The following DENND2B variants were observed in gnomAD, a reference collection of about 807,000 sequenced individuals.
The protein encoded by DENND2B is DENN domain-containing protein 2B.
DENND2B carries 32 observed loss-of-function variants against 116.0 expected under a neutral mutation model. That is an observed-to-expected ratio of 0.28 (90% CI 0.21 to 0.37). The LOEUF (loss-of-function observed/expected upper bound fraction) is 0.37, where lower values mean the gene tolerates loss of function less well. DENND2B is among the 10% of genes least tolerant of loss of function. DENND2B has a pLI of 1.00. For missense variants in DENND2B, 1,276 were observed against 1,477.7 expected (o/e 0.86, Z 2.24); for synonymous variants, 588 against 583.9 (o/e 1.01, Z -0.10).
At chr11:8,808,947 C>G (rs924979478) in intron 1 of DENND2B, 15 of 152,194 alleles carry the variant, frequency 9.9e-5, no homozygotes, top group African/African-American at 3.6e-4. Context: ...TGGGTCTCTG[C>G]TAGCCCTCTT....
intron 16 of DENND2B, among the ~76,000 whole-genome samples, chr11:8,698,296 C>T (rs2040822607): frequency 6.6e-6 from 1 of 152,114 alleles, no homozygotes; most frequent in Non-Finnish European, 1.5e-5. Context: ...GGCAGGGGGA[C>T]TGTGGCCAGC....
chr11:8,768,491 C>T (rs1030462307), intron 1 of DENND2B, among the ~76,000 whole-genome samples: 10 of 152,132 alleles, frequency 6.6e-5, no homozygotes, highest in African/African-American at 1.9e-4. Flanking sequence ...TTAAGTGATC[C>T]TCCTGCCTCC....
chr11:8,787,012 A>G (rs1264508878), intron 1 of DENND2B: 2 of 152,210 alleles, frequency 1.3e-5, no homozygotes, highest in Non-Finnish European at 2.9e-5. Flanking sequence ...CTGTAACACA[A>G]TCCTATGAGG....
intron 4 of DENND2B, among the ~76,000 whole-genome samples, chr11:8,821,919 G>A (rs11042087): frequency 0.12 from 18,451 of 152,142 alleles, 1,518 homozygotes; most frequent in East Asian, 0.34. Flanking sequence ...AGCTTCCCGA[G>A]TAGCTGGGAC....
intron 4 of DENND2B, among the ~76,000 whole-genome samples, chr11:8,839,154 G>T (rs911168901): frequency 6.6e-6 from 1 of 152,230 alleles, no homozygotes; most frequent in Non-Finnish European, 1.5e-5. Context: ...AGGAATCTAT[G>T]AGAATGAGAT....
intron 3 of DENND2B, among the ~76,000 whole-genome samples, chr11:8,846,650 C>T (rs1180170123): frequency 4.6e-5 from 7 of 152,190 alleles, no homozygotes. Flanking sequence ...TCGTTCTCTT[C>T]ACCAAGTCAA....
intron 1 of DENND2B, among the ~76,000 whole-genome samples, chr11:8,770,488 A>G (rs892428538): frequency 6.6e-6 from 1 of 152,136 alleles, no homozygotes; most frequent in Non-Finnish European, 1.5e-5. Flanking sequence ...TCTGGCTCAT[A>G]GTTAGGACTA....
chr11:8,707,979 G>A lies in DENND2B; in HGVS notation c.2353-125C>T. ...CCCTTCTAGTGGAGGAAGACTTTAAGCCTCCTCTAAACCTCTCTGCAACCA... is the reference window on the plus strand; with the variant it reads ...CCCTTCTAGTGGAGGAAGACTTTAAACCTCCTCTAAACCTCTCTGCAACCA... On this transcript the variant is annotated intron_variant, in intron 11 of 19. Coordinates refer to ENST00000313726, the MANE Select transcript of DENND2B (RefSeq NM_213618.2). This position sits in a 1 kb window ranked among gnomAD's most constrained non-coding sequence, Gnocchi z 4.8. 6.5e-7 allele frequency: 1 copy of A among 1,533,282 alleles called. No homozygotes were observed. The highest frequency in any genetic ancestry group is 8.7e-7 in the Non-Finnish European group (1 of 1,144,792). 95.0% of individuals were successfully genotyped at this position (1,533,282 alleles called of 1,614,324 possible). A position where few individuals can be genotyped will look rare whatever the true frequency, so the allele number is the denominator to read the frequency against.
chr11:8,828,723 C>T (rs1180119624), intron 4 of DENND2B, among the ~76,000 whole-genome samples: 1 of 152,154 alleles, frequency 6.6e-6, no homozygotes, highest in East Asian at 1.9e-4. Context: ...CTGAGTGCCA[C>T]CACCATTTCA....
intron 2 of DENND2B, among the ~76,000 whole-genome samples, chr11:8,858,979 AG>A (rs34035349): frequency 6.6e-6 from 1 of 152,208 alleles, no homozygotes; most frequent in Non-Finnish European, 1.5e-5. Flanking sequence ...CTTCAAAGCC[AG>A]GGAATCACCT....
At chr11:8,763,100 G>C (rs10769955) in intron 1 of DENND2B, among the ~76,000 whole-genome samples, 52,705 of 152,018 alleles carry the variant, frequency 0.35, 11,207 homozygotes, top group Non-Finnish European at 0.46. Context: ...TACTTCACCA[G>C]AGAGGATACC....
Position 8,695,745 on chromosome 11 carries a change from TTGCTGC to T in DENND2B, c.3293-202_3293-197del, listed in dbSNP as rs2040242831. 4 of 587,016 alleles carry T rather than the reference TTGCTGC, an allele frequency of 6.8e-6. No homozygotes were observed. The South Asian group carries it at 8.0e-5, about 12-fold the overall frequency. 36.4% of individuals were successfully genotyped at this position (587,016 alleles called of 1,614,324 possible). A position where few individuals can be genotyped will look rare whatever the true frequency, so the allele number is the denominator to read the frequency against. The stretch of plus-strand genomic sequence containing the variant: ...ATCATTAGTGACATCTTGCCGGGGT[TTGCTGC>T]TGCCACCCTGCCTCCCCATGCACAT... On this transcript the variant is annotated intron_variant, in intron 18 of 19. Transcript: ENST00000313726.
At chr11:8,750,282 C>T (rs2052129370) in intron 2 of DENND2B, among the ~76,000 whole-genome samples, 1 of 152,134 alleles carries the variant, frequency 6.6e-6, no homozygotes, top group Non-Finnish European at 1.5e-5. Flanking sequence ...ATGTGGTCAG[C>T]CTCCCTCACT....
rs116989555 is a variant in DENND2B, at chr11:8,763,741, A to G, written c.-25-13016T>C. Among the ~76,000 whole-genome samples, 19 of 151,984 alleles carry G rather than the reference A, an allele frequency of 1.3e-4. No individual in the cohort carries two copies. The East Asian group carries it at 3.5e-3, about 28-fold the overall frequency. On this transcript the variant is annotated intron_variant, in intron 1 of 19. Transcript: ENST00000313726. ...AGGAAGACTAGAGGGAGATTCTGGG[A>G]TATTGATAATAGACTGTTTCTTGAT... is the stretch of plus-strand genomic sequence containing the variant.
Position 8,696,639 on chromosome 11 carries a change from G to A in DENND2B, c.3080C>T (p.Ser1027Leu), listed in dbSNP as rs773785306. ...CACAAAGAACCGGATAAACACCTCC[G>A]ACACCAGCCCATTGAGGGTATTACA... The part of the protein sequence containing the change: ...DECNTLNGLV[S>L]EVFIRFFVET... The change falls in exon 18 of 20, where the codon TCG becomes TTG. Residue 1027 changes from serine (S) to leucine (L), a missense_variant. By Grantham distance (145) the Ser-to-Leu change is moderately radical (BLOSUM62 -2). Around this residue, in one of 2 missense-constraint regions of DENND2B, gnomAD observed 420 missense variants for 631.1 expected, o/e 0.67. Coordinates refer to ENST00000313726, the MANE Select transcript of DENND2B (RefSeq NM_213618.2). 3.1e-6 allele frequency: 5 copies of A among 1,614,010 alleles called. No individual in the cohort carries two copies. Among genetic ancestry groups the A allele is most frequent in the African/African-American group, 1.3e-5 (1 of 74,902 alleles).
rs181063868 is a variant in DENND2B, at chr11:8,738,802, C to T, written c.81-7593G>A. ...TGAGGACCCCATGAGCTGGTCCCTG[C>T]CTACTTTCCCCTTCATTATCCCACA... On this transcript the variant is annotated intron_variant, in intron 2 of 19. Transcript: ENST00000313726. Among the ~76,000 whole-genome samples, 376 of 152,300 alleles carry T rather than the reference C, an allele frequency of 2.5e-3. 1 individual carries two copies. The highest frequency in any genetic ancestry group is 5.3e-3 in the Admixed American group (81 of 15,300).
intron 4 of DENND2B, 151 bp from the exon 5 acceptor site, chr11:8,718,043 C>G (rs1020189164): frequency 1.4e-5 from 11 of 775,032 alleles, no homozygotes; most frequent in Non-Finnish European, 2.2e-5. Context: ...AGCTGCCCGT[C>G]TGCAGTGGGG....
chr11:8,901,638 T>C (rs1264528439), intron 1 of DENND2B, among the ~76,000 whole-genome samples: 2 of 152,236 alleles, frequency 1.3e-5, no homozygotes, highest in African/African-American at 4.8e-5. Context: ...TAGCTGCCTC[T>C]CATACATTTT....
Position 8,712,838 on chromosome 11 carries a change from G to A in DENND2B, c.1988-103C>T, listed in dbSNP as rs373295536. The A allele has an allele frequency of 8.1e-6, 10 of 1,238,272 alleles. No homozygotes were observed. The highest frequency in any genetic ancestry group is 4.5e-5 in the African/African-American group (3 of 66,788). The allele number at this position is 1,238,272 out of a possible 1,614,324, so 76.7% of individuals were successfully genotyped here. On this transcript the variant is annotated intron_variant, in intron 8 of 19. Transcript: ENST00000313726. The surrounding 1 kb of genome is among the most constrained non-coding windows in gnomAD (Gnocchi z 4.4). ...ATTGCTGTGGAGCACTTTTAAGTAC[G>A]TGAGCCTAGTCTGATACCATCCCCA... is the stretch of plus-strand genomic sequence containing the variant.
Sources: allele counts gnomAD v4.1 joint callset (sites outside exome capture counted in the v4.1 genomes callset), GRCh38; gene constraint gnomAD v4.1.1; regional missense constraint gnomAD v4.1.1; non-coding constraint Gnocchi (gnomAD v3.1); transcripts MANE v1.5; gene names NCBI Gene and HGNC (gene_info 2026-07-23, HGNC 2026-07-21).